MTUS1: variants seen among roughly 807,000 people sequenced by gnomAD.
MTUS1 encodes microtubule-associated tumor suppressor 1.
A neutral mutation model predicts 120.8 loss-of-function variants in MTUS1; 109 were observed. That is an observed-to-expected ratio of 0.90 (90% CI 0.77 to 1.06). The LOEUF (loss-of-function observed/expected upper bound fraction) is 1.06, where lower values mean the gene tolerates loss of function less well. MTUS1 is among the 50% of genes least tolerant of loss of function. MTUS1 has a pLI of 0.00. For missense variants in MTUS1, 2,210 were observed against 1,486.3 expected (o/e 1.49, Z -8.01); for synonymous variants, 737 against 550.5 (o/e 1.34, Z -4.74).
chr8:17,781,325 C>G lies in MTUS1; in HGVS notation c.-155+19736G>C, dbSNP rs2050860679. ...ACATACAATTTGTACCACATTGTAACCAAAGAGTTATTAGTAAGAATGTTA... is the reference window on the plus strand; with the variant it reads ...ACATACAATTTGTACCACATTGTAAGCAAAGAGTTATTAGTAAGAATGTTA... On this transcript the variant is annotated intron_variant, in intron 1 of 14. Coordinates refer to ENST00000693296, the MANE Select transcript of MTUS1 (RefSeq NM_001363059.2). Among the ~76,000 whole-genome samples, 10 of 152,306 alleles carry G rather than the reference C, an allele frequency of 6.6e-5. No homozygotes were observed. In the South Asian group the frequency reaches 2.1e-3, roughly 32 times the overall value.
At position 17,697,010 on chromosome 8, in the gene MTUS1, G is replaced by C. The variant is rs557253622; in HGVS notation, c.2624-12468C>G. On this transcript the variant is annotated intron_variant, in intron 6 of 14. Coordinates refer to ENST00000693296, the MANE Select transcript of MTUS1 (RefSeq NM_001363059.2). ...TGGCTGGTGATGGAGAAAAGAGCTA[G>C]GGAACACCAAGGCAACAATTCTGCC... Among the ~76,000 whole-genome samples, 4 of 152,296 alleles carry C rather than the reference G, an allele frequency of 2.6e-5. No homozygotes were observed. The South Asian group carries it at 6.2e-4, about 24-fold the overall frequency.
chr8:17,695,287 T>TA (rs1817731398), intron 6 of MTUS1, among the ~76,000 whole-genome samples: 1 of 152,152 alleles, frequency 6.6e-6, no homozygotes, highest in African/African-American at 2.4e-5. Context: ...CTAACAAAAT[T>TA]ACAGCAAAAT....
intron 6 of MTUS1, among the ~76,000 whole-genome samples, chr8:17,711,900 G>C (rs916188766): frequency 1.3e-5 from 2 of 152,182 alleles, no homozygotes; most frequent in African/African-American, 2.4e-5. Context: ...CAAGAAAAGG[G>C]AGAGAGATGG....
chr8:17,797,931 G>A (rs979313214), intron 1 of MTUS1, among the ~76,000 whole-genome samples: 2 of 151,646 alleles, frequency 1.3e-5, no homozygotes, highest in Admixed American at 6.6e-5. Flanking sequence ...GTGTTCCCCC[G>A]CCCCCCCAAA....
intron 1 of MTUS1, among the ~76,000 whole-genome samples, chr8:17,786,860 G>A (rs756717529): frequency 7.9e-5 from 12 of 152,110 alleles, no homozygotes; most frequent in Admixed American, 2.0e-4. Context: ...TTTCGCTCAG[G>A]CCACAGTACA....
chr8:17,697,530 G>A (rs544263639), intron 6 of MTUS1: 12 of 1,412,688 alleles, frequency 8.5e-6, no homozygotes, highest in Non-Finnish European at 1.1e-5. Flanking sequence ...GAGAGGCATA[G>A]AAGAAAAAAA....
intron 7 of MTUS1, among the ~76,000 whole-genome samples, chr8:17,677,531 A>G (rs1317356692): frequency 3.3e-5 from 5 of 152,184 alleles, no homozygotes; most frequent in Admixed American, 3.3e-4. Context: ...TGCAAAGAAA[A>G]ATTGTGTGAA....
chr8:17,767,080 A>T (rs1365992206), intron 1 of MTUS1, among the ~76,000 whole-genome samples: 1 of 151,864 alleles, frequency 6.6e-6, no homozygotes, highest in Non-Finnish European at 1.5e-5. Context: ...AATGAATGGA[A>T]ATCACTCCAG....
At chr8:17,768,814 G>A (rs943278309) in intron 1 of MTUS1, among the ~76,000 whole-genome samples, 1 of 152,112 alleles carries the variant, frequency 6.6e-6, no homozygotes, top group African/African-American at 2.4e-5. Flanking sequence ...CTCTAAAACT[G>A]ATATCAACAC....
Position 17,664,045 on chromosome 8 carries a change from T to G in MTUS1, c.2906-7980A>C, listed in dbSNP as rs1046549171. ...AACTGTTACGGCTTGCAAGAGTCCATTGATTCCAGTGTGTTTGAAGACTCC... is the reference window on the plus strand; with the variant it reads ...AACTGTTACGGCTTGCAAGAGTCCAGTGATTCCAGTGTGTTTGAAGACTCC... On this transcript the variant is annotated intron_variant, in intron 8 of 14. Coordinates refer to ENST00000693296, the MANE Select transcript of MTUS1 (RefSeq NM_001363059.2). The G allele has an allele frequency of 7.2e-5, 11 of 152,232 alleles. 1 individual carries two copies. Among genetic ancestry groups the G allele is most frequent in the African/African-American group, 2.7e-4 (11 of 41,466 alleles). The allele number at this position is 152,232 out of a possible 1,614,324, so 9.4% of individuals were successfully genotyped here. A position where few individuals can be genotyped will look rare whatever the true frequency, so the allele number is the denominator to read the frequency against.
chr8:17,659,514 G>T (rs150169141), intron 8 of MTUS1, among the ~76,000 whole-genome samples: 29 of 152,254 alleles, frequency 1.9e-4, no homozygotes, highest in African/African-American at 6.7e-4. Context: ...GGCCAACATG[G>T]TGAAACCCCA....
At chr8:17,687,932 G>C (rs1816166798) in intron 6 of MTUS1, among the ~76,000 whole-genome samples, 1 of 152,176 alleles carries the variant, frequency 6.6e-6, no homozygotes, top group East Asian at 1.9e-4. Flanking sequence ...TAGGCAAATA[G>C]ACCTCCAAAT....
intron 2 of MTUS1, among the ~76,000 whole-genome samples, chr8:17,752,846 G>A (rs543712521): frequency 6.6e-6 from 1 of 152,264 alleles, no homozygotes; most frequent in South Asian, 2.1e-4. Context: ...AGTCCCCACT[G>A]CCAAAAATAG....
chr8:17,674,360 C>G (rs1812636096), intron 8 of MTUS1: 1 of 576,188 alleles, frequency 1.7e-6, no homozygotes, highest in Non-Finnish European at 2.2e-6. Context: ...GCGGAGGTTG[C>G]AGTGAGTCGA....
intron 1 of MTUS1, among the ~76,000 whole-genome samples, chr8:17,758,769 G>C (rs1476181405): frequency 6.6e-6 from 1 of 152,172 alleles, no homozygotes; most frequent in Non-Finnish European, 1.5e-5. Context: ...GTAAATAATT[G>C]TTAGCTTCAA....
chr8:17,747,888 A>G (rs2047891344), intron 2 of MTUS1, among the ~76,000 whole-genome samples: 1 of 152,184 alleles, frequency 6.6e-6, no homozygotes, highest in African/African-American at 2.4e-5. Context: ...CATGTCTTAC[A>G]TGGATGGCAG....
chr8:17,795,042 C>T (rs1327270130), intron 1 of MTUS1, among the ~76,000 whole-genome samples: 6 of 152,162 alleles, frequency 3.9e-5, no homozygotes. Context: ...CTATGAACTG[C>T]TTATCTGAAA....
Position 17,653,425 on chromosome 8 carries a change from C to T in MTUS1, c.3288G>A (p.Glu1096=). Residue 1096 remains glutamate, a splice_region_variant and synonymous_variant, in exon 11 of 15, where the codon GAG becomes GAA. Coordinates refer to ENST00000693296, the MANE Select transcript of MTUS1 (RefSeq NM_001363059.2). ...TACTGGGATATTGACATTCACCCACCTCTAGCGATTCCTGCTTCTCAGAAA... is the reference window on the plus strand; with the variant it reads ...TACTGGGATATTGACATTCACCCACTTCTAGCGATTCCTGCTTCTCAGAAA... ...DLLSEKQESL[E]KQINDLKSEN... 1 of 1,607,480 alleles carries T rather than the reference C, an allele frequency of 6.2e-7. No individual in the cohort carries two copies. The highest frequency in any genetic ancestry group is 8.5e-7 in the Non-Finnish European group (1 of 1,176,184).
chr8:17,703,834 G>C (rs1819609677), intron 6 of MTUS1, among the ~76,000 whole-genome samples: 1 of 152,122 alleles, frequency 6.6e-6, no homozygotes, highest in South Asian at 2.1e-4. Flanking sequence ...AGGAGTTTCT[G>C]ATTTTGCTCT....
Sources: gnomAD v4.1 joint callset for allele counts (sites outside exome capture counted in the v4.1 genomes callset) on GRCh38, gnomAD v4.1.1 for gene constraint, MANE v1.5 for transcripts, NCBI Gene and HGNC (gene_info 2026-07-23, HGNC 2026-07-21) for gene names.